The following MDGA2 variants were observed in gnomAD, a reference collection of about 807,000 sequenced individuals.
MDGA2 encodes the protein MAM domain-containing glycosylphosphatidylinositol anchor protein 2.
A neutral mutation model predicts 117.8 loss-of-function variants in MDGA2; 40 were observed. That is an observed-to-expected ratio of 0.34 (90% CI 0.26 to 0.44). MDGA2 has a LOEUF of 0.44. MDGA2 is among the 20% of genes least tolerant of loss of function. MDGA2 has a pLI of 1.00. For synonymous variants in MDGA2, 452 were observed against 439.0 expected (o/e 1.03, Z -0.37); for missense variants, 1,123 against 1,250.6 (o/e 0.90, Z 1.54).
intron 3 of MDGA2, among the ~76,000 whole-genome samples, chr14:47,198,328 T>A (rs538163029): frequency 1.3e-5 from 2 of 152,280 alleles, no homozygotes; most frequent in South Asian, 4.1e-4. Flanking sequence ...ATCCCAGCAC[T>A]TTGGGAGGCT....
chr14:47,553,880 C>T (rs2138783538), intron 1 of MDGA2, among the ~76,000 whole-genome samples: 1 of 152,280 alleles, frequency 6.6e-6, no homozygotes, highest in Non-Finnish European at 1.5e-5. Context: ...ACTACCTATA[C>T]TTTCCTAATA....
At chr14:47,254,650 C>T (rs1887558481) in intron 2 of MDGA2, among the ~76,000 whole-genome samples, 1 of 152,248 alleles carries the variant, frequency 6.6e-6, no homozygotes, top group East Asian at 1.9e-4. Context: ...ATCTTTCCCA[C>T]ATTTTCCTAC....
chr14:47,605,843 C>G (rs1423976401), intron 1 of MDGA2, among the ~76,000 whole-genome samples: 7 of 152,000 alleles, frequency 4.6e-5, no homozygotes, highest in Non-Finnish European at 8.8e-5. Flanking sequence ...CCCCAGTAAT[C>G]CAATTCCTTC....
intron 3 of MDGA2, chr14:47,200,698 C>A: frequency 1.0e-6 from 1 of 952,654 alleles, no homozygotes; most frequent in Non-Finnish European, 1.6e-6. Flanking sequence ...GGATCTTGGC[C>A]TTCTCCTTCC....
At chr14:47,391,890 A>G (rs1891903202) in intron 1 of MDGA2, among the ~76,000 whole-genome samples, 1 of 152,176 alleles carries the variant, frequency 6.6e-6, no homozygotes, top group Non-Finnish European at 1.5e-5. Flanking sequence ...GCACTAATTA[A>G]AAGTTATTTT....
chr14:47,482,354 C>T (rs919911179), intron 1 of MDGA2, among the ~76,000 whole-genome samples: 1 of 152,014 alleles, frequency 6.6e-6, no homozygotes, highest in Admixed American at 6.6e-5. Flanking sequence ...TTGCATGACT[C>T]TGGACATCAT....
In MDGA2 at chr14:47,461,672, TGAAAAAAATAAAAAC is replaced by T. The variant is rs1398409038; in HGVS notation, c.281-160137_281-160123del. 1.9e-3 allele frequency among the ~76,000 whole-genome samples: 281 copies of T among 150,176 alleles called. 1 individual carries two copies. The highest frequency in any genetic ancestry group is 3.2e-3 in the Non-Finnish European group (217 of 67,490). The stretch of plus-strand genomic sequence containing the variant: ...GTGAACCATAAGTAGGCATCAAAAA[TGAAAAAAATAAAAAC>T]GAAAAAAATAAAAACAAAAAAAGAC... On this transcript the variant is annotated intron_variant, in intron 1 of 16. Coordinates refer to ENST00000399232, the MANE Select transcript of MDGA2 (RefSeq NM_001113498.3).
intron 1 of MDGA2, among the ~76,000 whole-genome samples, chr14:47,357,026 T>A (rs1007688223): frequency 2.6e-5 from 4 of 152,226 alleles, no homozygotes. Context: ...TAGCGGAGAT[T>A]TGTGGAGAAT....
chr14:46,860,368 C>G (rs1367075076), intron 14 of MDGA2, among the ~76,000 whole-genome samples: 1 of 151,990 alleles, frequency 6.6e-6, no homozygotes, highest in Admixed American at 6.6e-5. Context: ...TATATTAATG[C>G]ATTCCATAAT....
intron 6 of MDGA2, among the ~76,000 whole-genome samples, chr14:47,082,242 A>T (rs1348589995): frequency 6.6e-6 from 1 of 151,902 alleles, no homozygotes; most frequent in East Asian, 1.9e-4. Context: ...GAGAAAAAAG[A>T]AAAACCAATG....
intron 6 of MDGA2, among the ~76,000 whole-genome samples, chr14:47,063,189 C>T (rs537498494): frequency 6.6e-6 from 1 of 152,104 alleles, no homozygotes; most frequent in African/African-American, 2.4e-5. Flanking sequence ...TCTCAGAGGA[C>T]AGCCTCCCTG....
In MDGA2 at chr14:47,528,856, C is replaced by T. The variant is rs537489795; in HGVS notation, c.280+145661G>A. Among the ~76,000 whole-genome samples, 6 of 152,196 alleles carry T rather than the reference C, an allele frequency of 3.9e-5. No homozygotes were observed. In the South Asian group the frequency reaches 1.2e-3, roughly 32 times the overall value. ...AATATATTTTATCTTGTAAAACAAT[C>T]TATCTACTACACCAAGAAAATAATC... On this transcript the variant is annotated intron_variant, in intron 1 of 16. Transcript: ENST00000399232.
At chr14:47,355,904 C>G (rs1458636803) in intron 1 of MDGA2, among the ~76,000 whole-genome samples, 1 of 152,160 alleles carries the variant, frequency 6.6e-6, no homozygotes, top group Non-Finnish European at 1.5e-5. Context: ...CACATTTCAT[C>G]TGAGTGCATG....
chr14:47,673,631 G>GGTGTGTGTGT (rs1566569365), intron 1 of MDGA2, among the ~76,000 whole-genome samples: 9 of 44,868 alleles, frequency 2.0e-4, no homozygotes, highest in African/African-American at 6.7e-4. Flanking sequence ...CTATGACCTG[G>GGTGTGTGTGT]ATGTGTGTGT....
At chr14:47,151,429 G>A (rs924817727) in intron 3 of MDGA2, among the ~76,000 whole-genome samples, 13 of 152,106 alleles carry the variant, frequency 8.5e-5, no homozygotes, top group African/African-American at 3.1e-4. Flanking sequence ...TTTATGATAA[G>A]GACTTGAAGT....
At position 47,072,723 on chromosome 14, in the gene MDGA2, T is replaced by C. The variant is rs566327123; in HGVS notation, c.1196-11145A>G. 2.0e-5 allele frequency among the ~76,000 whole-genome samples: 3 copies of C among 152,288 alleles called. No homozygotes were observed. The South Asian group carries it at 6.2e-4, about 32-fold the overall frequency. On this transcript the variant is annotated intron_variant, in intron 6 of 16. Coordinates refer to ENST00000399232, the MANE Select transcript of MDGA2 (RefSeq NM_001113498.3). Reference sequence around the variant, plus strand: ...ACAACCCCTCTGAGTGATTCTGATATACTCTCGGGTTTGAGAGCCTCTGTT... The same window carrying C: ...ACAACCCCTCTGAGTGATTCTGATACACTCTCGGGTTTGAGAGCCTCTGTT...
At chr14:47,210,459 G>C (rs61995419) in intron 3 of MDGA2, among the ~76,000 whole-genome samples, 12,892 of 152,146 alleles carry the variant, frequency 0.085, 630 homozygotes, top group Middle Eastern at 0.13. Context: ...CACAGTCATG[G>C]CTAAGAATAA....
At chr14:47,166,470 C>T (rs1883882391) in intron 3 of MDGA2, among the ~76,000 whole-genome samples, 1 of 152,136 alleles carries the variant, frequency 6.6e-6, no homozygotes, top group Non-Finnish European at 1.5e-5. Flanking sequence ...TCTCTGTCTA[C>T]TCAAAGGAAA....
chr14:47,630,035 G>A (rs1231019569), intron 1 of MDGA2, among the ~76,000 whole-genome samples: 1 of 151,928 alleles, frequency 6.6e-6, no homozygotes, highest in African/African-American at 2.4e-5. Context: ...AACTTGTGGG[G>A]AGGGCTCACA....
Sources: allele counts gnomAD v4.1 joint callset (sites outside exome capture counted in the v4.1 genomes callset), GRCh38; gene constraint gnomAD v4.1.1; transcripts MANE v1.5; gene names NCBI Gene and HGNC (gene_info 2026-07-23, HGNC 2026-07-21).